The following ZBTB12 variants were observed in gnomAD, a reference collection of about 807,000 sequenced individuals.
ZBTB12 encodes the protein zinc finger and BTB domain-containing protein 12.
ZBTB12 carries 1 observed loss-of-function variant against 6.4 expected under a neutral mutation model. The ratio of observed to expected loss-of-function variants is 0.16; its 90% CI spans 0.06 to 0.74. ZBTB12 has a LOEUF of 0.74. Among genes scored for constraint, ZBTB12 ranks in the 30% least tolerant of loss-of-function variants. The probability of loss-of-function intolerance (pLI) is 0.78; values close to 1 mark genes in which losing one functional copy is unlikely to be tolerated. For synonymous variants in ZBTB12, 273 were observed against 262.5 expected (o/e 1.04, Z -0.39); for missense variants, 344 against 613.9 (o/e 0.56, Z 4.65).
intron 1 of ZBTB12, 77 bp from the exon 2 acceptor site, chr6:31,901,402 T>C: frequency 7.5e-7 from 1 of 1,334,530 alleles, no homozygotes; most frequent in Non-Finnish European, 1.0e-6. Flanking sequence ...CTCGCCCCCA[T>C]TCTTGCCCAG....
rs1366544517 is a variant in ZBTB12, at chr6:31,902,000, G to A, written c.-184C>T. On this transcript the variant is annotated 5_prime_UTR_variant, in exon 1 of 2. Coordinates refer to ENST00000375527, the MANE Select transcript of ZBTB12 (RefSeq NM_181842.3). ...GCCGGCTCCGCGTGGGCGTAAGGGG[G>A]GAGGGGCGGGGGCGGCTCGTGCCGT... The A allele has an allele frequency of 6.7e-6, 1 of 150,010 alleles. No individual in the cohort carries two copies. Among genetic ancestry groups the A allele is most frequent in the African/African-American group, 2.4e-5 (1 of 40,964 alleles). 9.3% of individuals were successfully genotyped at this position (150,010 alleles called of 1,614,324 possible). A position where few individuals can be genotyped will look rare whatever the true frequency, so the allele number is the denominator to read the frequency against.
At position 31,900,245 on chromosome 6, in the gene ZBTB12, G is replaced by C. The variant is rs1767096112; in HGVS notation, c.1061C>G (p.Ala354Gly). Residue 354 changes from alanine (A) to glycine (G), a missense_variant, in exon 2 of 2, where the codon GCG (alanine) becomes GGG (glycine). By Grantham distance (60) the Ala-to-Gly change is moderately conservative. Transcript: ENST00000375527. The surrounding 1 kb of genome is among the most constrained non-coding windows in gnomAD (Gnocchi z 9.7). The stretch of plus-strand genomic sequence containing the variant: ...AGGGCACATGAAGATGAAGTGCTGC[G>C]CCCGCATGTGGAAGACCAGCTTCTC... The part of the protein sequence containing the change: ...GVEKLVFHMR[A>G]QHFIFMCPRC... The C allele has an allele frequency of 6.2e-7, 1 of 1,613,824 alleles. No individual in the cohort carries two copies. Among genetic ancestry groups the C allele is most frequent in the Admixed American group, 1.7e-5 (1 of 60,006 alleles).
rs372115477 is a variant in ZBTB12 at position 31,899,957 on chromosome 6, C to G, written c.1349G>C (p.Ser450Thr). The G allele has an allele frequency of 1.9e-6, 3 of 1,594,640 alleles. No individual in the cohort carries two copies. The highest frequency in any genetic ancestry group is 2.7e-5 in the African/African-American group (2 of 74,588). Residue 450 changes from serine (S) to threonine (T), a missense_variant, in exon 2 of 2, where the codon AGT becomes ACT. By Grantham distance (58) the Ser-to-Thr change is moderately conservative (BLOSUM62 1). Around this residue, in one of 5 missense-constraint regions of ZBTB12, gnomAD observed 15 missense variants for 20.2 expected, o/e 0.74. Transcript: ENST00000375527. ...GATGAGGACGTTAATCTCGGCCACACTGGCCTCCAGCACGTTCTCGGCCGT... is the reference window on the plus strand; with the variant it reads ...GATGAGGACGTTAATCTCGGCCACAGTGGCCTCCAGCACGTTCTCGGCCGT... ...KTTAENVLEA[S>T]VAEINVLIR is the part of the protein sequence containing the mutation.
In ZBTB12 at chr6:31,901,140, G is replaced by A. The variant is rs1232633169; in HGVS notation, c.166C>T (p.Pro56Ser). ...AGCAGGAACTGGTCCCGCAGGAAGG[G>A]TGAGCAGGCGGCCAAGATGACCTTG... is the stretch of plus-strand genomic sequence containing the variant. ...GHKVILAACS[P>S]FLRDQFLLNP... Residue 56 changes from proline (P) to serine (S), a missense_variant, in exon 2 of 2, where the codon CCC (proline) becomes TCC (serine). Physicochemically the swap from Pro to Ser is moderately conservative, Grantham distance 74. This residue lies in a region of ZBTB12 where 50 missense variants were observed against 139.1 expected (regional missense o/e 0.36). Transcript: ENST00000375527. 1.2e-6 allele frequency: 2 copies of A among 1,613,896 alleles called. No homozygotes were observed. Among genetic ancestry groups the A allele is most frequent in the Admixed American group, 1.7e-5 (1 of 60,032 alleles).
Position 31,900,881 on chromosome 6 carries a change from C to T in ZBTB12, c.425G>A (p.Ser142Asn), listed in dbSNP as rs759587367. ...GGTGGCGCTGATGCTGCTCACAAGG[C>T]TAGCCTCACTGACCCCATCCTCTTT... is the stretch of plus-strand genomic sequence containing the variant. ...GLKEDGVSEASLVSSISATKS... is the reference protein window; with the variant it reads ...GLKEDGVSEANLVSSISATKS... The change falls in exon 2 of 2, where the codon AGC becomes AAC. Residue 142 changes from serine (S) to asparagine (N), a missense_variant. By Grantham distance (46) the Ser-to-Asn change is conservative (BLOSUM62 1). Transcript: ENST00000375527. The surrounding 1 kb of genome is among the most constrained non-coding windows in gnomAD (Gnocchi z 9.7). 1.2e-6 allele frequency: 2 copies of T among 1,613,768 alleles called. No homozygotes were observed. Among genetic ancestry groups the T allele is most frequent in the South Asian group, 1.1e-5 (1 of 91,056 alleles).
Position 31,900,076 on chromosome 6 carries a change from C to T in ZBTB12, c.1230G>A (p.Ser410=), listed in dbSNP as rs777568711. Residue 410 remains serine (S), a synonymous_variant, in exon 2 of 2, where the codon TCG becomes TCA. Transcript: ENST00000375527. The surrounding 1 kb of genome is among the most constrained non-coding windows in gnomAD (Gnocchi z 9.7). ...AGGAGCAGCGGTAGGGCCGCGCTCC[C>T]GAGTGCAGGTTGAGGTGGTCGTGAA... is the stretch of plus-strand genomic sequence containing the variant. ...STLHDHLNLH[S]GARPYRCSYC... 2.5e-6 allele frequency: 4 copies of T among 1,613,326 alleles called. No homozygotes were observed. Among genetic ancestry groups the T allele is most frequent in the Admixed American group, 3.3e-5 (2 of 60,006 alleles).
chr6:31,901,267 G>A lies in ZBTB12; in HGVS notation c.39C>T (p.Pro13=), dbSNP rs771714863. The stretch of plus-strand genomic sequence containing the variant: ...TCCGTAGCGTTGCGGCCTCGTGGCC[G>A]GGCAGCTGGAAGCGCAGGACTTCCA... ...SGVEVLRFQL[P]GHEAATLRNM... Residue 13 remains proline (P), a synonymous_variant, in exon 2 of 2, where the codon CCC becomes CCT. Transcript: ENST00000375527. 3.1e-6 allele frequency: 5 copies of A among 1,612,386 alleles called. No homozygotes were observed. Among genetic ancestry groups the A allele is most frequent in the South Asian group, 2.2e-5 (2 of 91,048 alleles).
In ZBTB12 at chr6:31,900,788, G is replaced by A. The variant is rs1230720942; in HGVS notation, c.518C>T (p.Pro173Leu). Residue 173 changes from proline (P) to leucine (L), a missense_variant, in exon 2 of 2, where the codon CCC (proline) becomes CTC (leucine). Around this residue, in one of 5 missense-constraint regions of ZBTB12, gnomAD observed 241 missense variants for 315.4 expected, o/e 0.76. Coordinates refer to ENST00000375527, the MANE Select transcript of ZBTB12 (RefSeq NM_181842.3). The surrounding 1 kb of genome is among the most constrained non-coding windows in gnomAD (Gnocchi z 9.7). ...CTTCACTGGCCGCAGGAGTGGAGGG[G>A]GTAGAGGAGGTGGGGGTGGGGGCTT... ...APKPPPPPPL[P>L]PPLLRPVKLE... 2 of 1,597,100 alleles carry A rather than the reference G, an allele frequency of 1.3e-6. No individual in the cohort carries two copies. The highest frequency in any genetic ancestry group is 1.7e-6 in the Non-Finnish European group (2 of 1,170,976).
Position 31,900,857 on chromosome 6 carries a change from G to T in ZBTB12, c.449C>A (p.Thr150Asn). The T allele has an allele frequency of 6.2e-7, 1 of 1,613,042 alleles. No individual in the cohort carries two copies. The highest frequency in any genetic ancestry group is 1.1e-5 in the South Asian group (1 of 91,036). The change falls in exon 2 of 2, where the codon ACC becomes AAC. Residue 150 changes from threonine to asparagine, a missense_variant. This residue lies in a region of ZBTB12 where 241 missense variants were observed against 315.4 expected (regional missense o/e 0.76). Transcript: ENST00000375527. This position sits in a 1 kb window ranked among gnomAD's most constrained non-coding sequence, Gnocchi z 9.7. ...CCTGGCTGGAGGGAGGAGGGACTTGGTGGCGCTGATGCTGCTCACAAGGCT... is the reference window on the plus strand; with the variant it reads ...CCTGGCTGGAGGGAGGAGGGACTTGTTGGCGCTGATGCTGCTCACAAGGCT... ...EASLVSSISA[T>N]KSLLPPARTP...
rs1334878117 is a variant in ZBTB12, at chr6:31,900,334, G to A, written c.972C>T (p.Phe324=). The stretch of plus-strand genomic sequence containing the variant: ...TGTTCTTTAAGGGGTTTCCACCTGA[G>A]AAGCCCCCAGGCAGGGGTCCCCGGC... ...GGSRGPLPGG[F]SGGNPLKNIK... is the part of the protein sequence containing the mutation. The change falls in exon 2 of 2, where the codon TTC becomes TTT. Residue 324 remains phenylalanine (F), a synonymous_variant. Coordinates refer to ENST00000375527, the MANE Select transcript of ZBTB12 (RefSeq NM_181842.3). This position sits in a 1 kb window ranked among gnomAD's most constrained non-coding sequence, Gnocchi z 9.7. 2 of 1,610,460 alleles carry A rather than the reference G, an allele frequency of 1.2e-6. No individual in the cohort carries two copies. The highest frequency in any genetic ancestry group is 1.7e-5 in the Admixed American group (1 of 59,990).
chr6:31,900,326 C>A lies in ZBTB12; in HGVS notation c.980G>T (p.Gly327Val). 6.2e-7 allele frequency: 1 copy of A among 1,611,114 alleles called. No individual in the cohort carries two copies. Among genetic ancestry groups the A allele is most frequent in the Non-Finnish European group, 8.5e-7 (1 of 1,179,662 alleles). Reference sequence around the variant, plus strand: ...GCACTTGATGTTCTTTAAGGGGTTTCCACCTGAGAAGCCCCCAGGCAGGGG... The same window carrying A: ...GCACTTGATGTTCTTTAAGGGGTTTACACCTGAGAAGCCCCCAGGCAGGGG... ...RGPLPGGFSG[G>V]NPLKNIKCTK... The change falls in exon 2 of 2, where the codon GGA (glycine) becomes GTA (valine). Residue 327 changes from glycine (G) to valine (V), a missense_variant. Transcript: ENST00000375527. This position sits in a 1 kb window ranked among gnomAD's most constrained non-coding sequence, Gnocchi z 9.7.
intron 1 of ZBTB12, 95 bp downstream of exon 1, chr6:31,901,742 G>A (rs1296082448): frequency 1.2e-5 from 2 of 173,194 alleles, no homozygotes; most frequent in African/African-American, 3.0e-5. Flanking sequence ...CCTCCCCCCC[G>A]CCGCCAGCAC....
At position 31,900,712 on chromosome 6, in the gene ZBTB12, A is replaced by C. The variant is rs199535985; in HGVS notation, c.594T>G (p.Asp198Glu). ...EDLELKAEEE[D>E]EDEDEDVSDI... Reference sequence around the variant, plus strand: ...CAGACACGTCCTCATCCTCATCCTCATCCTCTTCCTCGGCTTTCAGCTCCA... The same window carrying C: ...CAGACACGTCCTCATCCTCATCCTCCTCCTCTTCCTCGGCTTTCAGCTCCA... The change falls in exon 2 of 2, where the codon GAT (aspartate) becomes GAG (glutamate). Residue 198 changes from aspartate (D) to glutamate (E), a missense_variant. Transcript: ENST00000375527. The surrounding 1 kb of genome is among the most constrained non-coding windows in gnomAD (Gnocchi z 9.7). 6.2e-7 allele frequency: 1 copy of C among 1,603,704 alleles called. No individual in the cohort carries two copies. The highest frequency in any genetic ancestry group is 8.5e-7 in the Non-Finnish European group (1 of 1,174,538).
rs1029969932 is a variant in ZBTB12 at position 31,899,839 on chromosome 6, C to G, written c.*87G>C. ...CCACTCTTACCTTTCTGCCCCAGAC[C>G]CCCCACCCCCCAATTCTCCTGGGCC... On this transcript the variant is annotated 3_prime_UTR_variant, in exon 2 of 2. Transcript: ENST00000375527. 1 of 1,401,610 alleles carries G rather than the reference C, an allele frequency of 7.1e-7. No homozygotes were observed. The highest frequency in any genetic ancestry group is 1.4e-5 in the African/African-American group (1 of 69,450). The allele number at this position is 1,401,610 out of a possible 1,614,324, so 86.8% of individuals were successfully genotyped here.
rs745678096 is a variant in ZBTB12 at position 31,900,426 on chromosome 6, G to A, written c.880C>T (p.Leu294=). The part of the protein sequence containing the change: ...GRASVGATSG[L]VEAAAVAMAA... The stretch of plus-strand genomic sequence containing the variant: ...ATGGCCACCGCTGCTGCTTCCACCA[G>A]GCCCGAGGTGGCCCCCACGCTGGCC... Residue 294 remains leucine, a synonymous_variant, in exon 2 of 2, where the codon CTG becomes TTG. Transcript: ENST00000375527. This position sits in a 1 kb window ranked among gnomAD's most constrained non-coding sequence, Gnocchi z 9.7. 48 of 1,551,750 alleles carry A rather than the reference G, an allele frequency of 3.1e-5. No homozygotes were observed. The highest frequency in any genetic ancestry group is 4.0e-5 in the Non-Finnish European group (46 of 1,149,278).
Position 31,900,992 on chromosome 6 carries a change from G to A in ZBTB12, c.314C>T (p.Thr105Ile), listed in dbSNP as rs1260774628. The A allele has an allele frequency of 1.2e-6, 2 of 1,614,238 alleles. No individual in the cohort carries two copies. The highest frequency in any genetic ancestry group is 1.7e-6 in the Non-Finnish European group (2 of 1,180,044). The part of the protein sequence containing the change: ...FAVRDIVNYL[T>I]AASYLQMEHV... ...CTCCATCTGCAGGTAGGAGGCGGCT[G>A]TAAGGTAGTTGACGATGTCCCTAAC... The change falls in exon 2 of 2, where the codon ACA (threonine) becomes ATA (isoleucine). Residue 105 changes from threonine to isoleucine, a missense_variant. Thr to Ile is a moderately conservative substitution (Grantham distance 89). This residue lies in a region of ZBTB12 where 50 missense variants were observed against 139.1 expected (regional missense o/e 0.36). Transcript: ENST00000375527. This position sits in a 1 kb window ranked among gnomAD's most constrained non-coding sequence, Gnocchi z 9.7.
chr6:31,900,368 G>GC lies in ZBTB12; in HGVS notation c.937dup (p.Ala313GlyfsTer119), dbSNP rs1767112823. 7.1e-7 allele frequency: 1 copy of GC among 1,403,140 alleles called. No homozygotes were observed. Among genetic ancestry groups the GC allele is most frequent in the Non-Finnish European group, 9.8e-7 (1 of 1,024,304 alleles). The allele number at this position is 1,403,140 out of a possible 1,614,324, so 86.9% of individuals were successfully genotyped here. On this transcript the variant is annotated frameshift_variant, in exon 2 of 2. Coordinates refer to ENST00000375527, the MANE Select transcript of ZBTB12 (RefSeq NM_181842.3). LOFTEE classifies it low-confidence loss of function (END_TRUNC). This position sits in a 1 kb window ranked among gnomAD's most constrained non-coding sequence, Gnocchi z 9.7. ...AGGCAGGGGTCCCCGGCTGCCCCCC[G>GC]CCCCCAGGCTGCCCCCCGCCCCCCG...
rs370952155 is a variant in ZBTB12 at position 31,899,897 on chromosome 6, C to T, written c.*29G>A. 120 of 1,540,038 alleles carry T rather than the reference C, an allele frequency of 7.8e-5. No homozygotes were observed. In the South Asian group the frequency reaches 1.3e-3, roughly 16 times the overall value. On this transcript the variant is annotated 3_prime_UTR_variant, in exon 2 of 2. Transcript: ENST00000375527. Reference sequence around the variant, plus strand: ...CCTTTTTCCACGCAGCCCAGGGGCCCCAGCCTCCTGGCCTCCACGCCTGCG... The same window carrying T: ...CCTTTTTCCACGCAGCCCAGGGGCCTCAGCCTCCTGGCCTCCACGCCTGCG...
rs372529427 is a variant in ZBTB12 at position 31,900,853 on chromosome 6, C to G, written c.453G>C (p.Lys151Asn). The change falls in exon 2 of 2, where the codon AAG becomes AAC. Residue 151 changes from lysine to asparagine, a missense_variant. Around this residue, in one of 5 missense-constraint regions of ZBTB12, gnomAD observed 241 missense variants for 315.4 expected, o/e 0.76. Transcript: ENST00000375527. The surrounding 1 kb of genome is among the most constrained non-coding windows in gnomAD (Gnocchi z 9.7). ...GGGTCCTGGCTGGAGGGAGGAGGGA[C>G]TTGGTGGCGCTGATGCTGCTCACAA... ...ASLVSSISAT[K>N]SLLPPARTPK... 35 of 1,612,616 alleles carry G rather than the reference C, an allele frequency of 2.2e-5. No homozygotes were observed. In the African/African-American group the frequency reaches 4.7e-4, roughly 22 times the overall value.
Sources: gnomAD v4.1 joint callset for allele counts on GRCh38, gnomAD v4.1.1 for gene constraint, gnomAD v4.1.1 regional missense constraint, Gnocchi (gnomAD v3.1) non-coding constraint, MANE v1.5 for transcripts, NCBI Gene and HGNC (gene_info 2026-07-23, HGNC 2026-07-21) for gene names.